Variants in ZER1 observed in about 807,000 individuals in gnomAD.
The protein encoded by ZER1 is protein zer-1 homolog.
ZER1 carries 11 observed loss-of-function variants against 78.8 expected under a neutral mutation model. The ratio of observed to expected loss-of-function variants is 0.14; its 90% CI spans 0.09 to 0.23. The LOEUF is 0.23. ZER1 is among the 10% of genes least tolerant of loss of function. The pLI, the probability that ZER1 is intolerant of heterozygous loss-of-function variation, is 1.00. For missense variants in ZER1, 588 were observed against 996.9 expected (o/e 0.59, Z 5.52); for synonymous variants, 400 against 407.0 (o/e 0.98, Z 0.21).
chr9:128,743,199 C>A (rs1347802721), intron 8 of ZER1, among the ~76,000 whole-genome samples: 4 of 151,826 alleles, frequency 2.6e-5, no homozygotes, highest in African/African-American at 9.7e-5. Context: ...CTCACTGCAA[C>A]CTTCACCTCC....
At chr9:128,733,656 G>A (rs1297053075) in intron 14 of ZER1, 128 bp from the exon 15 acceptor site, 2 of 787,740 alleles carry the variant, frequency 2.5e-6, no homozygotes, top group African/African-American at 1.7e-5. Flanking sequence ...CTTGGTGGGG[G>A]CAGTGCTAGA....
At position 128,754,003 on chromosome 9, in the gene ZER1, T is replaced by C. The variant is rs761181069; in HGVS notation, c.159-44A>G. On this transcript the variant is annotated intron_variant, in intron 2 of 15. Coordinates refer to ENST00000291900, the MANE Select transcript of ZER1 (RefSeq NM_006336.4). This position sits in a 1 kb window ranked among gnomAD's most constrained non-coding sequence, Gnocchi z 4.3. ...TGGCTCAGGAGAGGGCCACAGGGAC[T>C]CTCATCCTCGCTTCAAAGCCAAGCC... The C allele has an allele frequency of 1.3e-6, 2 of 1,552,216 alleles. No individual in the cohort carries two copies. The highest frequency in any genetic ancestry group is 4.9e-5 in the East Asian group (2 of 41,178).
intron 15 of ZER1, among the ~76,000 whole-genome samples, chr9:128,731,728 G>A (rs1862829352): frequency 6.6e-6 from 1 of 152,160 alleles, no homozygotes; most frequent in African/African-American, 2.4e-5. Context: ...TTTCTTTAGC[G>A]ACCTCTTCTT....
chr9:128,731,457 C>A, intron 15 of ZER1, 63 bp from the exon 16 acceptor site: 1 of 1,358,642 alleles, frequency 7.4e-7, no homozygotes, highest in South Asian at 1.2e-5. Flanking sequence ...CCCAGCCCCT[C>A]CGAGATCATT....
intron 1 of ZER1, among the ~76,000 whole-genome samples, chr9:128,767,181 G>A (rs1400689281): frequency 6.6e-6 from 1 of 152,004 alleles, no homozygotes; most frequent in Non-Finnish European, 1.5e-5. Context: ...GACCTCAGGT[G>A]ATCCACCTGC....
chr9:128,751,570 C>T lies in ZER1; in HGVS notation c.924-43G>A, dbSNP rs1863679501. 1.9e-6 allele frequency: 3 copies of T among 1,573,356 alleles called. No homozygotes were observed. The South Asian group carries it at 3.3e-5, about 17-fold the overall frequency. ...CGGTGTCAGTGGCTTGGGACCCAGG[C>T]CTGAGCTGGGCCTCCCCACTGGGGG... On this transcript the variant is annotated intron_variant, in intron 5 of 15. Transcript: ENST00000291900. The surrounding 1 kb of genome is among the most constrained non-coding windows in gnomAD (Gnocchi z 5.4).
rs182057426 is a variant in ZER1, at chr9:128,760,094, G to C, written c.-94-4435C>G. ...AGGGTCTTTCTGTGTTGCCCAGGTT[G>C]GTCTCGAACTCCTGGGCTCAAGCGA... is the stretch of plus-strand genomic sequence containing the variant. On this transcript the variant is annotated intron_variant, in intron 1 of 15. Coordinates refer to ENST00000291900, the MANE Select transcript of ZER1 (RefSeq NM_006336.4). Among the ~76,000 whole-genome samples the C allele has an allele frequency of 2.6e-3, 401 of 151,562 alleles. 1 individual carries two copies. Among genetic ancestry groups the C allele is most frequent in the African/African-American group, 9.0e-3 (372 of 41,298 alleles).
rs1215402596 is a variant in ZER1 at position 128,751,544 on chromosome 9, C to T, written c.924-17G>A. On this transcript the variant is annotated splice_polypyrimidine_tract_variant and intron_variant, in intron 5 of 15. Coordinates refer to ENST00000291900, the MANE Select transcript of ZER1 (RefSeq NM_006336.4). This position sits in a 1 kb window ranked among gnomAD's most constrained non-coding sequence, Gnocchi z 5.4. ...GGCTCAATGCTGGGGAAAGAGGGTGCCGGTGTCAGTGGCTTGGGACCCAGG... is the reference window on the plus strand; with the variant it reads ...GGCTCAATGCTGGGGAAAGAGGGTGTCGGTGTCAGTGGCTTGGGACCCAGG... 5.0e-6 allele frequency: 8 copies of T among 1,608,252 alleles called. No homozygotes were observed. The highest frequency in any genetic ancestry group is 1.1e-5 in the South Asian group (1 of 91,004).
At chr9:128,738,698 T>C (rs959564773) in intron 13 of ZER1, among the ~76,000 whole-genome samples, 1 of 151,884 alleles carries the variant, frequency 6.6e-6, no homozygotes, top group Non-Finnish European at 1.5e-5. Flanking sequence ...TTCTTTTTTT[T>C]AAAGAAATGG....
At chr9:128,762,546 C>G (rs1168252474) in intron 1 of ZER1, among the ~76,000 whole-genome samples, 1 of 152,248 alleles carries the variant, frequency 6.6e-6, no homozygotes, top group Admixed American at 6.5e-5. Flanking sequence ...AGCACAATAC[C>G]TCATCCCCAG....
At chr9:128,762,699 C>G (rs984401452) in intron 1 of ZER1, among the ~76,000 whole-genome samples, 22 of 152,220 alleles carry the variant, frequency 1.4e-4, no homozygotes, top group East Asian at 9.6e-4. Flanking sequence ...TGGCTCCCAG[C>G]TCCGGGCCTG....
intron 8 of ZER1, among the ~76,000 whole-genome samples, chr9:128,748,862 G>A (rs542257323): frequency 2.5e-3 from 370 of 148,196 alleles, no homozygotes; most frequent in Non-Finnish European, 4.2e-3. Flanking sequence ...GTGAGCCACC[G>A]TGGCCAGCTA....
chr9:128,763,556 G>A (rs1164531982), intron 1 of ZER1, among the ~76,000 whole-genome samples: 1 of 152,230 alleles, frequency 6.6e-6, no homozygotes, highest in African/African-American at 2.4e-5. Flanking sequence ...TCCGGAGGGA[G>A]ACAGATCCAC....
At chr9:128,763,538 G>C (rs937805450) in intron 1 of ZER1, among the ~76,000 whole-genome samples, 1 of 152,246 alleles carries the variant, frequency 6.6e-6, no homozygotes, top group African/African-American at 2.4e-5. Flanking sequence ...CACATGGAGC[G>C]TACTGGCTCC....
chr9:128,741,467 A>C, intron 11 of ZER1, 68 bp downstream of exon 11: 1 of 1,609,930 alleles, frequency 6.2e-7, no homozygotes, highest in Non-Finnish European at 8.5e-7. Flanking sequence ...GTTGGTGGGG[A>C]GCCTAGGGAC....
rs539007706 is a variant in ZER1 at position 128,741,955 on chromosome 9, C to T, written c.1576-114G>A. The T allele has an allele frequency of 1.1e-5, 15 of 1,357,442 alleles. No homozygotes were observed. In the East Asian group the frequency reaches 1.2e-4, roughly 10 times the overall value. 84.1% of individuals were successfully genotyped at this position (1,357,442 alleles called of 1,614,324 possible). On this transcript the variant is annotated intron_variant, in intron 9 of 15. Coordinates refer to ENST00000291900, the MANE Select transcript of ZER1 (RefSeq NM_006336.4). ...GCCATGGCTAGTTCAGGAGTCTTGA[C>T]GAGATCAAGTCTCCCTATATTTGGG...
At position 128,741,673 on chromosome 9, in the gene ZER1, G is replaced by A; in HGVS notation, c.1618-19C>T. On this transcript the variant is annotated intron_variant, in intron 10 of 15. Coordinates refer to ENST00000291900, the MANE Select transcript of ZER1 (RefSeq NM_006336.4). ...GGTCACACTGTGAGGGCAGGGCAGG[G>A]CTCAGCCAAGGCTCCTGGTACCCGG... 1 of 1,614,124 alleles carries A rather than the reference G, an allele frequency of 6.2e-7. No homozygotes were observed. The highest frequency in any genetic ancestry group is 8.5e-7 in the Non-Finnish European group (1 of 1,180,026).
chr9:128,731,785 T>G (rs1471749533), intron 15 of ZER1, among the ~76,000 whole-genome samples: 1 of 152,198 alleles, frequency 6.6e-6, no homozygotes, highest in Non-Finnish European at 1.5e-5. Flanking sequence ...AGTCCACCAG[T>G]GGTCCCCAAA....
intron 1 of ZER1, among the ~76,000 whole-genome samples, chr9:128,761,954 T>C (rs1864064223): frequency 8.1e-4 from 1 of 1,242 alleles, no homozygotes; most frequent in African/African-American, 9.2e-4. Context: ...GGGAGCTGTG[T>C]AAACTAGACT....
Sources: allele counts gnomAD v4.1 joint callset (sites outside exome capture counted in the v4.1 genomes callset), GRCh38; gene constraint gnomAD v4.1.1; non-coding constraint Gnocchi (gnomAD v3.1); transcripts MANE v1.5; gene names NCBI Gene and HGNC (gene_info 2026-07-23, HGNC 2026-07-21).